Variants in MAPRE2 observed in about 807,000 individuals in gnomAD.
MAPRE2 encodes the protein microtubule associated protein RP/EB family member 2, also known as microtubule-associated protein RP/EB family member 2.
Under a neutral mutation model 43.2 loss-of-function variants are expected in MAPRE2, and 13 were observed. That is an observed-to-expected ratio of 0.30 (90% CI 0.20 to 0.48). MAPRE2 has a LOEUF of 0.48. MAPRE2 is among the 20% of genes least tolerant of loss of function. The probability of loss-of-function intolerance (pLI) is 0.99; values close to 1 mark genes in which losing one functional copy is unlikely to be tolerated. For missense variants in MAPRE2, 161 were observed against 400.2 expected, an observed-to-expected ratio of 0.40 and a Z score of 5.10; for synonymous variants, 135 against 148.8, an observed-to-expected ratio of 0.91 and a Z score of 0.68.
chr18:34,998,518 G>A (rs1227916653), intron 1 of MAPRE2, among the ~76,000 whole-genome samples: 1 of 151,706 alleles, frequency 6.6e-6, no homozygotes, highest in Non-Finnish European at 1.5e-5. Flanking sequence ...TAGTAGAGAC[G>A]GGGTTTCACC....
chr18:35,074,590 A>G (rs1393267083), intron 2 of MAPRE2, among the ~76,000 whole-genome samples: 1 of 152,132 alleles, frequency 6.6e-6, no homozygotes, highest in East Asian at 1.9e-4. Context: ...TCTTTGTGAC[A>G]TTAATTTTCT....
intron 3 of MAPRE2, among the ~76,000 whole-genome samples, chr18:35,099,399 G>A (rs990042274): frequency 6.6e-6 from 1 of 152,318 alleles, no homozygotes; most frequent in Admixed American, 6.5e-5. Context: ...AGGGTCACTT[G>A]AGGCCAGGAG....
intron 5 of MAPRE2, among the ~76,000 whole-genome samples, chr18:35,131,560 A>C (rs946294833): frequency 6.6e-6 from 1 of 152,022 alleles, no homozygotes; most frequent in African/African-American, 2.4e-5. Flanking sequence ...TTATCAGGGC[A>C]CTCATCCTAT....
At position 34,998,772 on chromosome 18, in the gene MAPRE2, A is replaced by ATTTTTTTTTTTT. The variant is rs67933808; in HGVS notation, c.-69-6703_-69-6692dup. Among the ~76,000 whole-genome samples the ATTTTTTTTTTTT allele has an allele frequency of 7.4e-3, 690 of 93,704 alleles. 23 individuals are homozygous for ATTTTTTTTTTTT. Among genetic ancestry groups the ATTTTTTTTTTTT allele is most frequent in the Non-Finnish European group, 8.4e-3 (433 of 51,248 alleles). The allele number at this position is 93,704 out of a possible 152,430, so 61.5% of individuals were successfully genotyped here. A position where few individuals can be genotyped will look rare whatever the true frequency, so the allele number is the denominator to read the frequency against. On this transcript the variant is annotated intron_variant, in intron 1 of 7. Transcript: ENST00000413393. ...GCCACTGAGCCTGGCCGAAGTTGCA[A>ATTTTTTTTTTTT]TTTTTTTTTTTTTTTTTTTTTTTTT...
chr18:35,092,904 G>A (rs114016385), intron 2 of MAPRE2, among the ~76,000 whole-genome samples: 5 of 152,058 alleles, frequency 3.3e-5, no homozygotes, highest in Non-Finnish European at 5.9e-5. Flanking sequence ...ACCTCACCCC[G>A]ATTAGAATGG....
At position 35,124,449 on chromosome 18, in the gene MAPRE2, T is replaced by C. The variant is rs1330550039; in HGVS notation, c.611-2499T>C. 2.0e-5 allele frequency among the ~76,000 whole-genome samples: 3 copies of C among 152,124 alleles called. No individual in the cohort carries two copies. The East Asian group carries it at 5.8e-4, about 29-fold the overall frequency. ...GGGGACACAGCCAAACCACGTCACA[T>C]GGGATGGTCATGGAGTCATAGAACC... On this transcript the variant is annotated intron_variant, in intron 4 of 6. Transcript: ENST00000300249.
chr18:35,052,686 A>G (rs1393291988), intron 1 of MAPRE2, among the ~76,000 whole-genome samples: 3 of 152,170 alleles, frequency 2.0e-5, no homozygotes, highest in Admixed American at 1.3e-4. Context: ...GCAGCACAGT[A>G]TGAGAGTTCT....
intron 1 of MAPRE2, among the ~76,000 whole-genome samples, chr18:35,053,879 C>T (rs1357923214): frequency 6.6e-6 from 1 of 152,090 alleles, no homozygotes; most frequent in Non-Finnish European, 1.5e-5. Context: ...GTACAGCAAA[C>T]CCCCATGACA....
At chr18:35,051,605 C>T (rs973254691) in intron 1 of MAPRE2, among the ~76,000 whole-genome samples, 1 of 152,184 alleles carries the variant, frequency 6.6e-6, no homozygotes, top group Non-Finnish European at 1.5e-5. Flanking sequence ...TCCTAACCTC[C>T]AGGAGGACCA....
At chr18:35,129,256 G>A (rs940460839) in intron 5 of MAPRE2, among the ~76,000 whole-genome samples, 3 of 152,072 alleles carry the variant, frequency 2.0e-5, no homozygotes, top group African/African-American at 4.8e-5. Flanking sequence ...CACTGTTGAC[G>A]TTCCCTCCTT....
At chr18:34,985,656 ATATAT>A (rs1250644942) in intron 1 of MAPRE2, among the ~76,000 whole-genome samples, 39 of 102,574 alleles carry the variant, frequency 3.8e-4, no homozygotes, top group African/African-American at 1.4e-3. Context: ...ATAACATATG[ATATAT>A]TATAATAATA....
intron 1 of MAPRE2, among the ~76,000 whole-genome samples, chr18:35,004,771 A>G (rs939611394): frequency 3.3e-5 from 5 of 152,142 alleles, no homozygotes; most frequent in Admixed American, 6.5e-5. Context: ...CAGAAAAATT[A>G]GCCGGGCATG....
chr18:35,021,521 T>C (rs1470250077), intron 2 of MAPRE2, among the ~76,000 whole-genome samples: 1 of 152,040 alleles, frequency 6.6e-6, no homozygotes, highest in African/African-American at 2.4e-5. Context: ...AAACGTTTAA[T>C]AAATATCCTT....
At chr18:35,063,644 A>G (rs1906671984) in intron 1 of MAPRE2, among the ~76,000 whole-genome samples, 1 of 152,132 alleles carries the variant, frequency 6.6e-6, no homozygotes, top group African/African-American at 2.4e-5. Context: ...TCTTCTGCAG[A>G]TGAACTTGCC....
Position 35,005,136 on chromosome 18 carries a change from G to C in MAPRE2, c.-69-356G>C, listed in dbSNP as rs1288537642. On this transcript the variant is annotated intron_variant, in intron 1 of 7. Transcript: ENST00000413393. Reference sequence around the variant, plus strand: ...TATTTGATACCCCACTAGAGGCACTGCTCCTTGGGGTTATCCGCCGACATG... The same window carrying C: ...TATTTGATACCCCACTAGAGGCACTCCTCCTTGGGGTTATCCGCCGACATG... Among the ~76,000 whole-genome samples, 10 of 152,128 alleles carry C rather than the reference G, an allele frequency of 6.6e-5. No homozygotes were observed. The South Asian group carries it at 1.0e-3, about 16-fold the overall frequency.
At chr18:35,075,003 A>T (rs144067105) in intron 2 of MAPRE2, among the ~76,000 whole-genome samples, 19 of 152,208 alleles carry the variant, frequency 1.2e-4, no homozygotes, top group South Asian at 4.1e-4. Context: ...GAAAGAGAAA[A>T]TGATCAGGAT....
chr18:34,990,902 A>G (rs2097023417), intron 1 of MAPRE2, among the ~76,000 whole-genome samples: 1 of 152,110 alleles, frequency 6.6e-6, no homozygotes, highest in Non-Finnish European at 1.5e-5. Flanking sequence ...AACTATAGGG[A>G]GCTTTCGCTG....
rs1204738059 is a variant in MAPRE2, at chr18:35,065,791, T to A, written c.123-4404T>A. On this transcript the variant is annotated intron_variant, in intron 1 of 6. Transcript: ENST00000300249. Reference sequence around the variant, plus strand: ...CTGGTCTCGAACTCCGGACCTCAGGTGATCCACCCGCCTCGGCCTCCCAAA... The same window carrying A: ...CTGGTCTCGAACTCCGGACCTCAGGAGATCCACCCGCCTCGGCCTCCCAAA... 3.3e-5 allele frequency among the ~76,000 whole-genome samples: 5 copies of A among 152,162 alleles called. No individual in the cohort carries two copies. The East Asian group carries it at 9.7e-4, about 29-fold the overall frequency.
intron 1 of MAPRE2, among the ~76,000 whole-genome samples, chr18:35,054,039 G>A (rs370734888): frequency 6.6e-6 from 1 of 152,170 alleles, no homozygotes; most frequent in South Asian, 2.1e-4. Flanking sequence ...TAGCCAAAGC[G>A]TTGGATGCCC....
Sources: allele counts gnomAD v4.1 joint callset (sites outside exome capture counted in the v4.1 genomes callset), GRCh38; gene constraint gnomAD v4.1.1; transcripts MANE v1.5; gene names NCBI Gene and HGNC (gene_info 2026-07-23, HGNC 2026-07-21).